DLGAP1: variants seen among roughly 807,000 people sequenced by gnomAD.
DLGAP1 encodes DLG associated protein 1, also known as disks large-associated protein 1.
Under a neutral mutation model 90.8 loss-of-function variants are expected in DLGAP1, and 11 were observed. That is an observed-to-expected ratio of 0.12 (90% CI 0.08 to 0.20). The LOEUF (loss-of-function observed/expected upper bound fraction) is 0.20. Ranked by LOEUF, DLGAP1 falls within the 10% of genes least tolerant of loss-of-function variation. The pLI, the probability that DLGAP1 is intolerant of heterozygous loss-of-function variation, is 1.00. For missense variants in DLGAP1, 1,050 were observed against 1,333.8 expected, an observed-to-expected ratio of 0.79 and a Z score of 3.31; for synonymous variants, 558 against 540.7, an observed-to-expected ratio of 1.03 and a Z score of -0.44.
At chr18:3,934,522 A>AG (rs1459068129) in intron 3 of DLGAP1, among the ~76,000 whole-genome samples, 59 of 152,198 alleles carry the variant, frequency 3.9e-4, no homozygotes, top group African/African-American at 1.4e-3. Flanking sequence ...ACAGAGAGAG[A>AG]GAGAGAGAAT....
chr18:3,617,451 T>A (rs113284827), intron 7 of DLGAP1, among the ~76,000 whole-genome samples: 21 of 151,240 alleles, frequency 1.4e-4, no homozygotes, highest in Non-Finnish European at 2.4e-4. Context: ...ATATAAAAAA[T>A]TAGCTGGGCG....
intron 2 of DLGAP1, among the ~76,000 whole-genome samples, chr18:4,045,466 G>C (rs1196162249): frequency 4.0e-4 from 10 of 24,938 alleles, no homozygotes; most frequent in African/African-American, 1.2e-3. Context: ...AAAAAAAAAA[G>C]CTTGCCCCTG....
chr18:3,926,484 T>G (rs1041096506), intron 3 of DLGAP1, among the ~76,000 whole-genome samples: 1 of 102,434 alleles, frequency 9.8e-6, no homozygotes, highest in African/African-American at 3.7e-5. Flanking sequence ...ATGTAGTATT[T>G]ATATGTATAT....
intron 1 of DLGAP1, among the ~76,000 whole-genome samples, chr18:4,185,193 A>G (rs927108008): frequency 2.6e-5 from 4 of 152,108 alleles, no homozygotes; most frequent in South Asian, 4.2e-4. Context: ...TAGCTTTAAT[A>G]TTAAATACAA....
At chr18:4,006,448 T>A (rs1267864400) in intron 2 of DLGAP1, among the ~76,000 whole-genome samples, 1 of 152,228 alleles carries the variant, frequency 6.6e-6, no homozygotes, top group Non-Finnish European at 1.5e-5. Flanking sequence ...ACTACCACTC[T>A]GTTCTCACCA....
intron 5 of DLGAP1, among the ~76,000 whole-genome samples, chr18:3,809,274 G>A (rs560714518): frequency 2.0e-5 from 3 of 152,260 alleles, no homozygotes; most frequent in South Asian, 2.1e-4. Context: ...TGCCATCCAC[G>A]CTAAGAGACT....
At chr18:3,503,699 T>C (rs1378308797) in intron 11 of DLGAP1, among the ~76,000 whole-genome samples, 1 of 152,140 alleles carries the variant, frequency 6.6e-6, no homozygotes, top group East Asian at 1.9e-4. Context: ...AAAAATGATA[T>C]CAGAATTTTG....
chr18:3,709,598 T>C (rs969018671), intron 7 of DLGAP1, among the ~76,000 whole-genome samples: 8 of 152,204 alleles, frequency 5.3e-5, no homozygotes, highest in East Asian at 1.9e-4. Context: ...ACATTTGCAC[T>C]GGGTCCTAGA....
intron 4 of DLGAP1, among the ~76,000 whole-genome samples, chr18:3,835,949 T>C (rs929608279): frequency 3.3e-5 from 5 of 152,214 alleles, no homozygotes; most frequent in Admixed American, 2.6e-4. Context: ...AAAACAAATA[T>C]AAAGTTGATG....
intron 3 of DLGAP1, among the ~76,000 whole-genome samples, chr18:3,922,408 C>T (rs765339730): frequency 2.6e-5 from 4 of 152,080 alleles, no homozygotes; most frequent in Non-Finnish European, 5.9e-5. Flanking sequence ...GTCATTTGTG[C>T]GTGTTTAAGA....
chr18:4,352,987 G>A (rs1014041317), intron 1 of DLGAP1, among the ~76,000 whole-genome samples: 21 of 152,062 alleles, frequency 1.4e-4, no homozygotes, highest in African/African-American at 4.3e-4. Flanking sequence ...AAGTCTTCTG[G>A]GCAGAACTGC....
chr18:3,659,410 C>T (rs2065978087), intron 7 of DLGAP1, among the ~76,000 whole-genome samples: 1 of 140,972 alleles, frequency 7.1e-6, no homozygotes, highest in African/African-American at 2.7e-5. Flanking sequence ...CACACACACA[C>T]ACACACACAC....
intron 1 of DLGAP1, among the ~76,000 whole-genome samples, chr18:4,370,465 G>A (rs930882932): frequency 1.3e-5 from 2 of 152,190 alleles, no homozygotes; most frequent in Non-Finnish European, 2.9e-5. Flanking sequence ...CTTGGGCAAA[G>A]CACCATTGTT....
intron 2 of DLGAP1, among the ~76,000 whole-genome samples, chr18:4,140,280 T>C (rs1195716248): frequency 6.6e-6 from 1 of 151,962 alleles, no homozygotes. Flanking sequence ...GTATTTGTTG[T>C]ATGCTTTTTG....
At chr18:4,174,939 T>C (rs12608146) in intron 1 of DLGAP1, among the ~76,000 whole-genome samples, 57,902 of 152,020 alleles carry the variant, frequency 0.38, 11,330 homozygotes, top group East Asian at 0.69. Context: ...AAGGACATGA[T>C]CTCATTTTTT....
intron 2 of DLGAP1, among the ~76,000 whole-genome samples, chr18:4,096,793 C>T (rs933542356): frequency 6.6e-6 from 1 of 152,192 alleles, no homozygotes; most frequent in Non-Finnish European, 1.5e-5. Flanking sequence ...GGGTTAACGT[C>T]CTGGCTTGTC....
At chr18:3,595,785 A>C (rs2056542514) in intron 7 of DLGAP1, among the ~76,000 whole-genome samples, 1 of 110,450 alleles carries the variant, frequency 9.1e-6, no homozygotes, top group Non-Finnish European at 2.0e-5. Context: ...ATCCGTGTAC[A>C]CAAGTGACTG....
At chr18:4,347,295 C>T (rs2081318001) in intron 1 of DLGAP1, among the ~76,000 whole-genome samples, 1 of 152,058 alleles carries the variant, frequency 6.6e-6, no homozygotes, top group African/African-American at 2.4e-5. Context: ...TCTCAGTACT[C>T]TACAAATTGC....
chr18:3,960,202 A>T (rs1276863684), intron 3 of DLGAP1, among the ~76,000 whole-genome samples: 1 of 152,220 alleles, frequency 6.6e-6, no homozygotes, highest in Non-Finnish European at 1.5e-5. Flanking sequence ...TTTAAATAAA[A>T]CACAAGGCTT....
Sources: gnomAD v4.1 joint callset for allele counts (sites outside exome capture counted in the v4.1 genomes callset) on GRCh38, gnomAD v4.1.1 for gene constraint, MANE v1.5 for transcripts, NCBI Gene and HGNC (gene_info 2026-07-23, HGNC 2026-07-21) for gene names.